Variants in R3HDM1 observed in about 807,000 individuals in gnomAD.
R3HDM1 encodes R3H domain-containing protein 1.
In R3HDM1, 46 loss-of-function variants were observed where a neutral mutation model predicts 141.1. The observed-to-expected ratio is 0.33, with a 90% CI of 0.26 to 0.42. The LOEUF (loss-of-function observed/expected upper bound fraction) is 0.42. Ranked by LOEUF, R3HDM1 falls within the 10% of genes least tolerant of loss-of-function variation. The pLI, the probability that R3HDM1 is intolerant of heterozygous loss-of-function variation, is 1.00. For missense variants in R3HDM1, 1,184 were observed against 1,368.3 expected (o/e 0.87, Z 2.12); for synonymous variants, 435 against 472.9 (o/e 0.92, Z 1.04).
chr2:135,621,411 G>A (rs2061500031), intron 5 of R3HDM1, 83 bp from the exon 6 acceptor site: 1 of 827,068 alleles, frequency 1.2e-6, no homozygotes, highest in African/African-American at 1.7e-5. Flanking sequence ...GTACAATTCT[G>A]TGTTACTCAA....
At chr2:135,639,254 C>T (rs1217907218) in intron 14 of R3HDM1, 132 bp downstream of exon 14, 1 of 792,160 alleles carries the variant, frequency 1.3e-6, no homozygotes, top group African/African-American at 1.7e-5. Flanking sequence ...TTGACCACCT[C>T]CGGAGCACTT....
chr2:135,629,944 C>T (rs546615864), intron 7 of R3HDM1, among the ~76,000 whole-genome samples: 1 of 151,912 alleles, frequency 6.6e-6, no homozygotes, highest in South Asian at 2.1e-4. Context: ...AGTAGTCAAG[C>T]CAGAAATCCT....
chr2:135,605,835 C>T (rs1487162330), intron 3 of R3HDM1: 2 of 152,196 alleles, frequency 1.3e-5, no homozygotes, highest in African/African-American at 4.8e-5. Context: ...CAGGCATGCA[C>T]CCCCACACCC....
At chr2:135,580,508 C>A (rs1394455461) in intron 1 of R3HDM1, among the ~76,000 whole-genome samples, 1 of 152,034 alleles carries the variant, frequency 6.6e-6, no homozygotes, top group African/African-American at 2.4e-5. Flanking sequence ...CCATTGATTT[C>A]TTTGCTTGTT....
At chr2:135,661,637 G>A (rs574444882) in intron 19 of R3HDM1, among the ~76,000 whole-genome samples, 60 of 152,318 alleles carry the variant, frequency 3.9e-4, no homozygotes, top group African/African-American at 1.4e-3. Flanking sequence ...TAAGCAGTTT[G>A]TTAAGTGGCT....
At chr2:135,600,039 A>T (rs1254658310) in intron 1 of R3HDM1, among the ~76,000 whole-genome samples, 2 of 151,964 alleles carry the variant, frequency 1.3e-5, no homozygotes, top group Non-Finnish European at 2.9e-5. Flanking sequence ...GTCTCTAAAA[A>T]AAAAAAAAAT....
At position 135,598,110 on chromosome 2, in the gene R3HDM1, T is replaced by C. The variant is rs796189583; in HGVS notation, c.-249-4390T>C. Among the ~76,000 whole-genome samples the C allele has an allele frequency of 9.9e-5, 15 of 152,282 alleles. 1 individual carries two copies. Among genetic ancestry groups the C allele is most frequent in the African/African-American group, 3.6e-4 (15 of 41,576 alleles). ...TGTTGATCCTAATTCTGCCTTGCTT[T>C]GTTTCATAGAGGAAGGTACTTAACC... On this transcript the variant is annotated intron_variant, in intron 1 of 26. Coordinates refer to ENST00000683871, the MANE Select transcript of R3HDM1 (RefSeq NM_001378107.1).
intron 24 of R3HDM1, 38 bp from the exon 25 acceptor site, chr2:135,721,886 C>A: frequency 6.4e-7 from 1 of 1,573,344 alleles, no homozygotes; most frequent in Non-Finnish European, 8.7e-7. Flanking sequence ...CCGTGCCCGG[C>A]CTCTGGCAAT....
rs555156970 is a variant in R3HDM1 at position 135,619,525 on chromosome 2, T to G, written c.304-1969T>G. On this transcript the variant is annotated intron_variant, in intron 5 of 26. Transcript: ENST00000683871. ...TTTCCCTTAATATATTCTTTCTCAG[T>G]TTCTCTTAGATACAATAAGCTTTTT... 6.6e-5 allele frequency among the ~76,000 whole-genome samples: 10 copies of G among 152,336 alleles called. No individual in the cohort carries two copies. In the South Asian group the frequency reaches 2.1e-3, roughly 32 times the overall value.
chr2:135,680,511 T>C (rs1359810300), intron 21 of R3HDM1, among the ~76,000 whole-genome samples, 187 bp downstream of exon 21: 2 of 152,264 alleles, frequency 1.3e-5, no homozygotes, highest in Non-Finnish European at 2.9e-5. Context: ...GGCTCACGCC[T>C]ATAATCCCAG....
chr2:135,589,605 T>C (rs994891895), intron 1 of R3HDM1, among the ~76,000 whole-genome samples: 5 of 152,142 alleles, frequency 3.3e-5, no homozygotes, highest in Non-Finnish European at 5.9e-5. Flanking sequence ...ACAAAAGTAC[T>C]TCAGGAAATA....
chr2:135,541,800 G>A (rs1697586421), intron 1 of R3HDM1, among the ~76,000 whole-genome samples: 2 of 149,154 alleles, frequency 1.3e-5, no homozygotes. Context: ...TTGGGAAAAT[G>A]GTACTGATCG....
intron 15 of R3HDM1, 72 bp from the exon 16 acceptor site, chr2:135,645,307 A>C (rs2105260254): frequency 7.7e-7 from 1 of 1,304,134 alleles, no homozygotes; most frequent in East Asian, 2.4e-5. Context: ...ATGCTTTGTA[A>C]ATTGTTAGTA....
At chr2:135,634,137 T>G (rs2063012751) in intron 9 of R3HDM1, among the ~76,000 whole-genome samples, 1 of 152,158 alleles carries the variant, frequency 6.6e-6, no homozygotes, top group Non-Finnish European at 1.5e-5. Flanking sequence ...CACAAAGCTG[T>G]TTTTCGTCTT....
intron 2 of R3HDM1, among the ~76,000 whole-genome samples, chr2:135,603,804 G>T (rs1250916400): frequency 6.6e-6 from 1 of 152,120 alleles, no homozygotes; most frequent in East Asian, 1.9e-4. Flanking sequence ...TCTGGGTTTT[G>T]TCACGTTGCC....
At chr2:135,659,017 T>C (rs1413157738) in intron 18 of R3HDM1, among the ~76,000 whole-genome samples, 2 of 150,856 alleles carry the variant, frequency 1.3e-5, no homozygotes, top group African/African-American at 4.9e-5. Context: ...AATGCCTTCT[T>C]CTGAAATACC....
chr2:135,560,203 C>T (rs1701543838), intron 1 of R3HDM1, among the ~76,000 whole-genome samples: 1 of 152,156 alleles, frequency 6.6e-6, no homozygotes. Flanking sequence ...ACATTGTGAG[C>T]ATACTAAAAA....
intron 20 of R3HDM1, among the ~76,000 whole-genome samples, chr2:135,676,672 A>G (rs1411780065): frequency 6.6e-6 from 1 of 152,160 alleles, no homozygotes; most frequent in Non-Finnish European, 1.5e-5. Flanking sequence ...TTAGCCAGGC[A>G]TGTTGGAAGG....
intron 20 of R3HDM1, among the ~76,000 whole-genome samples, chr2:135,679,066 CTTTTTTTTTTTTT>C (rs141175748): frequency 8.5e-5 from 6 of 70,580 alleles, no homozygotes; most frequent in African/African-American, 2.8e-4. Context: ...GCCCGGCTTT[CTTTTTTTTTTTTT>C]TTTTTTTTTT....
Sources: allele counts gnomAD v4.1 joint callset (sites outside exome capture counted in the v4.1 genomes callset), GRCh38; gene constraint gnomAD v4.1.1; transcripts MANE v1.5; gene names NCBI Gene and HGNC (gene_info 2026-07-23, HGNC 2026-07-21).